Variants in TMCC1 observed in about 807,000 individuals in gnomAD.
TMCC1 encodes the protein transmembrane and coiled-coil domains protein 1.
TMCC1 carries 15 observed loss-of-function variants against 52.4 expected under a neutral mutation model. The ratio of observed to expected loss-of-function variants is 0.29; its 90% CI spans 0.19 to 0.44. The LOEUF (loss-of-function observed/expected upper bound fraction) is 0.44, where lower values mean the gene tolerates loss of function less well. Ranked by LOEUF, TMCC1 falls within the 20% of genes least tolerant of loss-of-function variation. The probability of loss-of-function intolerance (pLI) is 1.00; values close to 1 mark genes in which losing one functional copy is unlikely to be tolerated. For missense variants in TMCC1, 503 were observed against 806.0 expected, an observed-to-expected ratio of 0.62 and a Z score of 4.55; for synonymous variants, 279 against 301.9, an observed-to-expected ratio of 0.92 and a Z score of 0.79.
chr3:129,743,188 A>G (rs1046346348), intron 4 of TMCC1, among the ~76,000 whole-genome samples: 3 of 152,198 alleles, frequency 2.0e-5, no homozygotes, highest in Non-Finnish European at 4.4e-5. Context: ...TATAAGAATT[A>G]TATTTCAAAA....
rs768854934 is a variant in TMCC1 at position 129,651,446 on chromosome 3, C to T, written c.*35G>A. ...TCTAACTCTCTGCTGCATGCACTCG[C>T]CAGAGGGTAGGGAACAATGCCTTCT... On this transcript the variant is annotated 3_prime_UTR_variant, in exon 7 of 7. Coordinates refer to ENST00000393238, the MANE Select transcript of TMCC1 (RefSeq NM_001017395.5). This position sits in a 1 kb window ranked among gnomAD's most constrained non-coding sequence, Gnocchi z 5.1. 22 of 1,591,068 alleles carry T rather than the reference C, an allele frequency of 1.4e-5. No homozygotes were observed. The highest frequency in any genetic ancestry group is 1.7e-4 in the Middle Eastern group (1 of 5,974).
intron 4 of TMCC1, among the ~76,000 whole-genome samples, chr3:129,753,044 C>A (rs1227777221): frequency 6.6e-6 from 1 of 152,128 alleles, no homozygotes; most frequent in Non-Finnish European, 1.5e-5. Flanking sequence ...GAAAGTCTGC[C>A]CCCTTGATTC....
chr3:129,842,838 T>G (rs549245339), intron 2 of TMCC1, among the ~76,000 whole-genome samples: 1 of 152,280 alleles, frequency 6.6e-6, no homozygotes, highest in South Asian at 2.1e-4. Context: ...TTAAAAATAT[T>G]TGCAAGTATA....
intron 4 of TMCC1, among the ~76,000 whole-genome samples, chr3:129,799,746 A>C: frequency 6.6e-6 from 1 of 152,122 alleles, no homozygotes; most frequent in East Asian, 1.9e-4. Context: ...CGGGAGGCGG[A>C]GCTTGCAGTG....
At chr3:129,876,242 T>A (rs2061204387) in intron 2 of TMCC1, among the ~76,000 whole-genome samples, 1 of 150,694 alleles carries the variant, frequency 6.6e-6, no homozygotes, top group South Asian at 2.1e-4. Flanking sequence ...TTACAATGAC[T>A]TAAGTAAGCA....
chr3:129,769,106 A>G (rs1231547216), intron 4 of TMCC1, among the ~76,000 whole-genome samples: 1 of 152,182 alleles, frequency 6.6e-6, no homozygotes, highest in East Asian at 1.9e-4. Context: ...AGCCCTTCAC[A>G]CCTCCCTGCC....
chr3:129,847,790 G>A (rs1248459193), intron 2 of TMCC1: 5 of 152,140 alleles, frequency 3.3e-5, no homozygotes, highest in Admixed American at 2.0e-4. Context: ...CATTCCTATC[G>A]TCAGTGTATG....
chr3:129,664,618 T>C (rs952417046), intron 5 of TMCC1, among the ~76,000 whole-genome samples: 3 of 151,618 alleles, frequency 2.0e-5, no homozygotes, highest in Non-Finnish European at 4.4e-5. Context: ...ACCTGGGGGG[T>C]TTTTAGCCTG....
At chr3:129,760,090 A>C (rs1159916978) in intron 4 of TMCC1, among the ~76,000 whole-genome samples, 2 of 151,720 alleles carry the variant, frequency 1.3e-5, no homozygotes, top group Non-Finnish European at 2.9e-5. Context: ...AAAACTGGAG[A>C]GATAATGCAG....
chr3:129,847,812 T>C (rs985988431), intron 2 of TMCC1: 3 of 152,262 alleles, frequency 2.0e-5, no homozygotes, highest in Admixed American at 6.5e-5. Flanking sequence ...GAGTTCCAGA[T>C]GATCCTCCAT....
At chr3:129,845,369 T>C (rs2059615159) in intron 2 of TMCC1, among the ~76,000 whole-genome samples, 1 of 152,042 alleles carries the variant, frequency 6.6e-6, no homozygotes, top group South Asian at 2.1e-4. Flanking sequence ...GAGGGAAAAG[T>C]ACAAATAATC....
chr3:129,816,528 T>C (rs570639455), intron 4 of TMCC1, among the ~76,000 whole-genome samples: 4 of 152,044 alleles, frequency 2.6e-5, no homozygotes, highest in South Asian at 4.2e-4. Context: ...AGCTAAAAAA[T>C]AGTGGATCTC....
intron 2 of TMCC1, among the ~76,000 whole-genome samples, chr3:129,849,711 A>G (rs2059826210): frequency 6.7e-6 from 1 of 149,630 alleles, no homozygotes; most frequent in African/African-American, 2.5e-5. Flanking sequence ...GCTTGCAGTG[A>G]GCCAAGATCA....
intron 4 of TMCC1, among the ~76,000 whole-genome samples, chr3:129,739,087 G>A (rs2051236362): frequency 6.6e-6 from 1 of 152,156 alleles, no homozygotes; most frequent in Non-Finnish European, 1.5e-5. Context: ...AAACTGCTGG[G>A]ATTAAAGGCA....
intron 4 of TMCC1, among the ~76,000 whole-genome samples, chr3:129,675,317 TG>T (rs2088322977): frequency 6.6e-6 from 1 of 152,242 alleles, no homozygotes; most frequent in African/African-American, 2.4e-5. Flanking sequence ...TAGTGAAGCA[TG>T]GATTCTGGCA....
chr3:129,827,746 G>A, intron 4 of TMCC1, 57 bp downstream of exon 4: 1 of 1,538,042 alleles, frequency 6.5e-7, no homozygotes. Context: ...AAAGTCTGGA[G>A]AGTCCTAGGT....
At position 129,717,622 on chromosome 3, in the gene TMCC1, A is replaced by G. The variant is rs370533171; in HGVS notation, c.577-46358T>C. Among the ~76,000 whole-genome samples, 8 of 152,320 alleles carry G rather than the reference A, an allele frequency of 5.3e-5. No homozygotes were observed. In the East Asian group the frequency reaches 1.3e-3, roughly 26 times the overall value. On this transcript the variant is annotated intron_variant, in intron 4 of 6. Transcript: ENST00000393238. ...TTACATCTCAGTTAATGACAAATCTATTCTTCCAGCTGTTTAGGTTAAAAT... is the reference window on the plus strand; with the variant it reads ...TTACATCTCAGTTAATGACAAATCTGTTCTTCCAGCTGTTTAGGTTAAAAT...
intron 4 of TMCC1, among the ~76,000 whole-genome samples, chr3:129,757,788 C>A (rs2053150756): frequency 6.6e-6 from 1 of 152,016 alleles, no homozygotes; most frequent in Non-Finnish European, 1.5e-5. Flanking sequence ...CCAGATTGTG[C>A]CACTGCAGTC....
intron 4 of TMCC1, among the ~76,000 whole-genome samples, chr3:129,772,551 TA>T (rs903459683): frequency 6.0e-4 from 86 of 142,670 alleles, no homozygotes; most frequent in Non-Finnish European, 6.2e-4. Context: ...CCGTCTCTAC[TA>T]AAAAAAAAAA....
Sources: gnomAD v4.1 joint callset for allele counts (sites outside exome capture counted in the v4.1 genomes callset) on GRCh38, gnomAD v4.1.1 for gene constraint, Gnocchi (gnomAD v3.1) non-coding constraint, MANE v1.5 for transcripts, NCBI Gene and HGNC (gene_info 2026-07-23, HGNC 2026-07-21) for gene names.